PGAP4: variants seen among roughly 807,000 people sequenced by gnomAD.
PGAP4 encodes the protein post-GPI attachment to proteins GalNAc transferase 4.
Under a neutral mutation model 28.2 loss-of-function variants are expected in PGAP4, and 12 were observed. The observed-to-expected ratio is 0.42, with a 90% confidence interval of 0.27 to 0.69. PGAP4 has a LOEUF of 0.69. PGAP4 is among the 30% of genes least tolerant of loss of function. The pLI is 0.22. For synonymous variants in PGAP4, 205 were observed against 211.8 expected (o/e 0.97, Z 0.28); for missense variants, 425 against 513.5 (o/e 0.83, Z 1.67).
chr9:101,500,474 A>G lies in PGAP4; in HGVS notation c.-164-11274T>C, dbSNP rs916828360. ...GTGACTATAATGGGCCTAGCCGGATAATCCAGATAATCGCTGCATGTCAAT... is the reference window on the plus strand; with the variant it reads ...GTGACTATAATGGGCCTAGCCGGATGATCCAGATAATCGCTGCATGTCAAT... On this transcript the variant is annotated intron_variant, in intron 2 of 3. Transcript: ENST00000374851. Among the ~76,000 whole-genome samples, 4 of 151,934 alleles carry G rather than the reference A, an allele frequency of 2.6e-5. 1 individual carries two copies. The highest frequency in any genetic ancestry group is 9.7e-5 in the African/African-American group (4 of 41,366).
At chr9:101,494,907 T>A (rs1184280974) in intron 2 of PGAP4, among the ~76,000 whole-genome samples, 1 of 150,866 alleles carries the variant, frequency 6.6e-6, no homozygotes, top group African/African-American at 2.4e-5. Context: ...ATATATTTTT[T>A]CAATTAGTTA....
Position 101,515,688 on chromosome 9 carries a change from T to C in PGAP4, c.-165+15660A>G, listed in dbSNP as rs373111496. On this transcript the variant is annotated intron_variant, in intron 2 of 3. Transcript: ENST00000374851. ...TCTTATTCATAAATGTATTAGGAAA[T>C]GAAAAAAATAGTAAAACTAGTATTT... Among the ~76,000 whole-genome samples, 7 of 152,212 alleles carry C rather than the reference T, an allele frequency of 4.6e-5. No individual in the cohort carries two copies. The South Asian group carries it at 8.3e-4, about 18-fold the overall frequency.
At chr9:101,482,955 A>G (rs941698806) in intron 1 of PGAP4, among the ~76,000 whole-genome samples, 2 of 152,232 alleles carry the variant, frequency 1.3e-5, no homozygotes, top group Non-Finnish European at 2.9e-5. Context: ...CAAAATAGCA[A>G]TGGAATTAAT....
chr9:101,495,383 T>TTA lies in PGAP4; in HGVS notation c.-164-6185_-164-6184dup, dbSNP rs1431852202. ...AGTTATATTTTATATATAATATATA[T>TTA]TATATGTGCTTATATTTTATATATA... On this transcript the variant is annotated intron_variant, in intron 2 of 3. Transcript: ENST00000374851. 4.0e-4 allele frequency among the ~76,000 whole-genome samples: 52 copies of TTA among 129,422 alleles called. 6 individuals carry two copies. Among genetic ancestry groups the TTA allele is most frequent in the South Asian group, 1.6e-3 (7 of 4,316 alleles). The allele number at this position is 129,422 out of a possible 152,430, so 84.9% of individuals were successfully genotyped here.
chr9:101,515,786 T>TATGATATTTTCA (rs1167209474), intron 2 of PGAP4, among the ~76,000 whole-genome samples: 1 of 152,182 alleles, frequency 6.6e-6, no homozygotes, highest in African/African-American at 2.4e-5. Context: ...ATATCAAGAA[T>TATGATATTTTCA]ATGATATTTT....
intron 2 of PGAP4, among the ~76,000 whole-genome samples, chr9:101,515,771 G>C (rs1826939066): frequency 6.6e-6 from 1 of 152,002 alleles, no homozygotes; most frequent in African/African-American, 2.4e-5. Flanking sequence ...ATTTCTTTGT[G>C]AAAAATATCA....
At chr9:101,508,062 C>G (rs1295588396) in intron 2 of PGAP4, among the ~76,000 whole-genome samples, 1 of 151,610 alleles carries the variant, frequency 6.6e-6, no homozygotes, top group African/African-American at 2.4e-5. Context: ...ATGGTAACCT[C>G]TCAATCAGTC....
At chr9:101,526,027 T>G (rs1588211547) in intron 2 of PGAP4, among the ~76,000 whole-genome samples, 1 of 152,192 alleles carries the variant, frequency 6.6e-6, no homozygotes, top group East Asian at 1.9e-4. Flanking sequence ...ATGACATAGT[T>G]TAGGCTTTTG....
At chr9:101,494,764 G>T (rs1826722616) in intron 2 of PGAP4, among the ~76,000 whole-genome samples, 1 of 151,610 alleles carries the variant, frequency 6.6e-6, no homozygotes, top group Non-Finnish European at 1.5e-5. Flanking sequence ...ACTCAGAATA[G>T]CCATGGTCAA....
intron 2 of PGAP4, among the ~76,000 whole-genome samples, chr9:101,501,103 T>C (rs565179686): frequency 6.6e-6 from 1 of 152,210 alleles, no homozygotes; most frequent in African/African-American, 2.4e-5. Flanking sequence ...GAAATAGAAG[T>C]TGGAGCTTAA....
intron 1 of PGAP4, among the ~76,000 whole-genome samples, chr9:101,482,079 CT>C (rs1325026247): frequency 6.6e-6 from 1 of 152,172 alleles, no homozygotes; most frequent in African/African-American, 2.4e-5. Flanking sequence ...CCAACACTCA[CT>C]AATTTGATCA....
At chr9:101,510,792 G>A (rs757378666) in intron 2 of PGAP4, among the ~76,000 whole-genome samples, 12 of 152,090 alleles carry the variant, frequency 7.9e-5, no homozygotes, top group African/African-American at 1.2e-4. Flanking sequence ...AATAACGGGC[G>A]GGCCACACGT....
intron 2 of PGAP4, among the ~76,000 whole-genome samples, chr9:101,514,291 T>C (rs1246697528): frequency 6.6e-6 from 1 of 152,186 alleles, no homozygotes; most frequent in East Asian, 1.9e-4. Context: ...GTCTCTCATG[T>C]TTTTGTCTAG....
At chr9:101,489,858 T>G (rs1025560428), upstream of PGAP4, among the ~76,000 whole-genome samples, 1 of 152,180 alleles carries the variant, frequency 6.6e-6, no homozygotes, top group Admixed American at 6.5e-5. Context: ...ACAAACCTTT[T>G]GGGACACATA....
chr9:101,485,989 T>C (rs1353683370), intron 1 of PGAP4, among the ~76,000 whole-genome samples: 1 of 152,002 alleles, frequency 6.6e-6, no homozygotes, highest in Non-Finnish European at 1.5e-5. Flanking sequence ...CCGCATGTGT[T>C]GCTAATGGTC....
Position 101,477,175 on chromosome 9 carries a change from G to A in PGAP4, c.-77-6C>T. On this transcript the variant is annotated splice_polypyrimidine_tract_variant and splice_region_variant and intron_variant, in intron 1 of 1. Coordinates refer to ENST00000374848, the MANE Select transcript of PGAP4 (RefSeq NM_032342.3). ...AGAGTCATCAGAAATCAAACCTAAA[G>A]AGAGAGGAAGTAGGGAATGGTAAGA... 6.8e-7 allele frequency: 1 copy of A among 1,465,728 alleles called. No homozygotes were observed. The highest frequency in any genetic ancestry group is 9.0e-7 in the Non-Finnish European group (1 of 1,110,874). 90.8% of individuals were successfully genotyped at this position (1,465,728 alleles called of 1,614,324 possible). A position where few individuals can be genotyped will look rare whatever the true frequency, so the allele number is the denominator to read the frequency against.
upstream of PGAP4, among the ~76,000 whole-genome samples, chr9:101,488,278 T>C (rs892661612): frequency 6.6e-6 from 1 of 152,154 alleles, no homozygotes; most frequent in African/African-American, 2.4e-5. Flanking sequence ...GGCTGGAAAG[T>C]ATGAGAGCTG....
intron 2 of PGAP4, among the ~76,000 whole-genome samples, chr9:101,502,745 C>T (rs746984240): frequency 1.3e-5 from 2 of 152,090 alleles, no homozygotes; most frequent in African/African-American, 2.4e-5. Flanking sequence ...ACACCTACAG[C>T]ATTTTGCAGG....
chr9:101,490,070 T>C (rs917373171), upstream of PGAP4, among the ~76,000 whole-genome samples: 1 of 152,182 alleles, frequency 6.6e-6, no homozygotes, highest in Non-Finnish European at 1.5e-5. Flanking sequence ...AGCTTTCTTC[T>C]TCCACTACCC....
Sources: allele counts gnomAD v4.1 joint callset (sites outside exome capture counted in the v4.1 genomes callset), GRCh38; gene constraint gnomAD v4.1.1; transcripts MANE v1.5; gene names NCBI Gene and HGNC (gene_info 2026-07-23, HGNC 2026-07-21).